DNASE2: variants seen among roughly 807,000 people sequenced by gnomAD.
DNASE2 encodes the protein deoxyribonuclease 2, lysosomal.
Under a neutral mutation model 29.8 loss-of-function variants are expected in DNASE2, and 26 were observed. The observed-to-expected ratio is 0.87, with a 90% confidence interval of 0.64 to 1.21. The LOEUF (loss-of-function observed/expected upper bound fraction) is 1.21, where lower values mean the gene tolerates loss of function less well. DNASE2 is among the 50% of genes most tolerant of loss of function. The pLI is 0.00. For synonymous variants in DNASE2, 186 were observed against 193.5 expected, an observed-to-expected ratio of 0.96 and a Z score of 0.32; for missense variants, 415 against 455.6, an observed-to-expected ratio of 0.91 and a Z score of 0.81.
chr19:12,881,049 C>T lies in DNASE2; in HGVS notation c.190G>A (p.Gly64Ser), dbSNP rs780707849. ...LDESSGGWRDGRALINSPEGA... is the reference protein window; with the variant it reads ...LDESSGGWRDSRALINSPEGA... ...TCCGGGCTGTTGATGAGTGCCCTGC[C>T]GTCCCGCCAGCCTCCGGAGCTCTCG... The change falls in exon 2 of 6, where the codon GGC becomes AGC. Residue 64 changes from glycine to serine, a missense_variant. By Grantham distance (56) the Gly-to-Ser change is moderately conservative (BLOSUM62 0). Transcript: ENST00000222219. 1.2e-6 allele frequency: 2 copies of T among 1,613,298 alleles called. No individual in the cohort carries two copies. Among genetic ancestry groups the T allele is most frequent in the Non-Finnish European group, 1.7e-6 (2 of 1,180,008 alleles).
chr19:12,876,608 C>T (rs1228419205), intron 5 of DNASE2, among the ~76,000 whole-genome samples: 2 of 151,352 alleles, frequency 1.3e-5, no homozygotes, highest in African/African-American at 4.9e-5. Flanking sequence ...TACAGGCATG[C>T]ACAACCATAC....
At chr19:12,879,145 C>CGT (rs1970351235) in intron 3 of DNASE2, among the ~76,000 whole-genome samples, 2 of 115,736 alleles carry the variant, frequency 1.7e-5, no homozygotes, top group African/African-American at 3.7e-5. Flanking sequence ...TCATCTCAAA[C>CGT]ATAAGTAAGT....
Position 12,875,241 on chromosome 19 carries a change from A to C in DNASE2, c.*749T>G. On this transcript the variant is annotated 3_prime_UTR_variant, in exon 6 of 6. Transcript: ENST00000222219. Reference sequence around the variant, plus strand: ...ATTTCCATTTATTTACTCCTCAACAATCCTGATGGCAGGTATTATGTTTCC... The same window carrying C: ...ATTTCCATTTATTTACTCCTCAACACTCCTGATGGCAGGTATTATGTTTCC... 6.5e-5 allele frequency: 19 copies of C among 291,346 alleles called. No homozygotes were observed. Among genetic ancestry groups the C allele is most frequent in the Non-Finnish European group, 6.1e-5 (9 of 148,016 alleles). 18.0% of individuals were successfully genotyped at this position (291,346 alleles called of 1,614,324 possible). A position where few individuals can be genotyped will look rare whatever the true frequency, so the allele number is the denominator to read the frequency against.
intron 3 of DNASE2, among the ~76,000 whole-genome samples, chr19:12,879,501 A>AAC (rs1429934884): frequency 6.6e-6 from 1 of 151,720 alleles, no homozygotes; most frequent in East Asian, 1.9e-4. Flanking sequence ...AAAAAAAAAA[A>AAC]AAAGGCAATT....
intron 5 of DNASE2, chr19:12,877,913 A>G (rs1350313149): frequency 1.4e-5 from 4 of 286,178 alleles, no homozygotes; most frequent in Non-Finnish European, 2.7e-5. Context: ...TGGAGTCATT[A>G]TAGCTCACTG....
Position 12,878,713 on chromosome 19 carries a change from G to T in DNASE2, c.468C>A (p.Thr156=), listed in dbSNP as rs1970345710. The T allele has an allele frequency of 6.2e-7, 1 of 1,613,968 alleles. No individual in the cohort carries two copies. The highest frequency in any genetic ancestry group is 1.7e-5 in the Admixed American group (1 of 59,968). The change falls in exon 4 of 6, where the codon ACC becomes ACA. Residue 156 remains threonine, a synonymous_variant. Coordinates refer to ENST00000222219, the MANE Select transcript of DNASE2 (RefSeq NM_001375.3). ...CGAAGGGAAAAGACACACAGAGCAG[G>T]GTCTGCCCGTAGGTACAGGCGCTAT... is the stretch of plus-strand genomic sequence containing the variant. ...WPHSACTYGQ[T]LLCVSFPFAQ... is the part of the protein sequence containing the mutation.
At chr19:12,879,484 C>CAAA (rs35693082) in intron 3 of DNASE2, among the ~76,000 whole-genome samples, 10 of 71,170 alleles carry the variant, frequency 1.4e-4, no homozygotes, top group South Asian at 8.6e-4. Flanking sequence ...AACTCCTTCT[C>CAAA]AAAAAAAAAA....
In DNASE2 at chr19:12,881,084, T is replaced by C. The variant is rs1429846670; in HGVS notation, c.155A>G (p.Lys52Arg). The change falls in exon 2 of 6, where the codon AAG becomes AGG. Residue 52 changes from lysine to arginine, a missense_variant. Physicochemically the swap from Lys to Arg is conservative, Grantham distance 26 (BLOSUM62 2). Coordinates refer to ENST00000222219, the MANE Select transcript of DNASE2 (RefSeq NM_001375.3). ...GCCTCCGGAGCTCTCGTCCAGATAC[T>C]TGTACTGCAGCCCTCTCTGCGCCGC... ...GEAAQRGLQY[K>R]YLDESSGGWR... 4.3e-6 allele frequency: 7 copies of C among 1,612,356 alleles called. No individual in the cohort carries two copies. The South Asian group carries it at 5.5e-5, about 13-fold the overall frequency.
At position 12,881,111 on chromosome 19, in the gene DNASE2, T is replaced by C. The variant is rs776785731; in HGVS notation, c.128A>G (p.Glu43Gly). ...GTACTGCAGCCCTCTCTGCGCCGCC[T>C]CCCCGGACCCTCTAAGAGCTGGCAG... is the stretch of plus-strand genomic sequence containing the variant. ...YKLPALRGSG[E>G]AAQRGLQYKY... Residue 43 changes from glutamate to glycine, a missense_variant, in exon 2 of 6, where the codon GAG becomes GGG. Coordinates refer to ENST00000222219, the MANE Select transcript of DNASE2 (RefSeq NM_001375.3). 36 of 1,611,588 alleles carry C rather than the reference T, an allele frequency of 2.2e-5. No individual in the cohort carries two copies. The highest frequency in any genetic ancestry group is 2.8e-5 in the Non-Finnish European group (33 of 1,179,968).
At chr19:12,878,192 A>G in intron 5 of DNASE2, 190 bp downstream of exon 5, 1 of 699,766 alleles carries the variant, frequency 1.4e-6, no homozygotes, top group East Asian at 2.8e-5. Flanking sequence ...AGATGAGTAG[A>G]CCAAGGCTCA....
chr19:12,879,640 A>T (rs1225681267), intron 3 of DNASE2, among the ~76,000 whole-genome samples: 1 of 152,188 alleles, frequency 6.6e-6, no homozygotes, highest in Admixed American at 6.6e-5. Context: ...GCAGGCATAA[A>T]TTCTTATAGT....
At position 12,878,736 on chromosome 19, in the gene DNASE2, T is replaced by C; in HGVS notation, c.445A>G (p.Ser149Gly). 1 of 1,613,974 alleles carries C rather than the reference T, an allele frequency of 6.2e-7. No individual in the cohort carries two copies. Among genetic ancestry groups the C allele is most frequent in the Non-Finnish European group, 8.5e-7 (1 of 1,179,990 alleles). ...AGGGTCTGCCCGTAGGTACAGGCGCTATGAGGCCAGCTGTATGCAGCAGAG... is the reference window on the plus strand; with the variant it reads ...AGGGTCTGCCCGTAGGTACAGGCGCCATGAGGCCAGCTGTATGCAGCAGAG... The part of the protein sequence containing the change: ...ASSAAYSWPH[S>G]ACTYGQTLLC... Residue 149 changes from serine to glycine, a missense_variant, in exon 4 of 6, where the codon AGC becomes GGC. Transcript: ENST00000222219.
chr19:12,877,477 C>A (rs1427206289), intron 5 of DNASE2, among the ~76,000 whole-genome samples: 1 of 152,150 alleles, frequency 6.6e-6, no homozygotes, highest in Non-Finnish European at 1.5e-5. Context: ...TGGGCTCAAG[C>A]AATCCTCCTG....
intron 3 of DNASE2, 115 bp downstream of exon 3, chr19:12,880,687 G>C (rs1347326476): frequency 7.2e-7 from 1 of 1,388,374 alleles, no homozygotes; most frequent in East Asian, 2.3e-5. Flanking sequence ...AAGTTGGGGG[G>C]AATAGATGCC....
chr19:12,876,956 G>A (rs1456646474), intron 5 of DNASE2, among the ~76,000 whole-genome samples: 1 of 152,006 alleles, frequency 6.6e-6, no homozygotes, highest in Non-Finnish European at 1.5e-5. Context: ...CTGAGTAGCT[G>A]GGATTACAGG....
Position 12,881,368 on chromosome 19 carries a change from G to T in DNASE2, c.8C>A (p.Pro3Gln). The T allele has an allele frequency of 6.4e-7, 1 of 1,559,652 alleles. No individual in the cohort carries two copies. The highest frequency in any genetic ancestry group is 2.4e-5 in the East Asian group (1 of 41,554). The change falls in exon 1 of 6, where the codon CCG (proline) becomes CAG (glutamine). Residue 3 changes from proline to glutamine, a missense_variant. Coordinates refer to ENST00000222219, the MANE Select transcript of DNASE2 (RefSeq NM_001375.3). MI[P>Q]LLLAALLCVP... is the part of the protein sequence containing the mutation. ...GCACAGCAGCGCTGCCAGCAGCAGC[G>T]GGATCATAGCTGCTATGGGGCTGAG... is the stretch of plus-strand genomic sequence containing the variant.
chr19:12,878,748 T>C lies in DNASE2; in HGVS notation c.433A>G (p.Ser145Gly), dbSNP rs1291444523. The C allele has an allele frequency of 6.2e-7, 1 of 1,614,020 alleles. No homozygotes were observed. The highest frequency in any genetic ancestry group is 1.7e-5 in the Admixed American group (1 of 59,994). ...FPPPASSAAY[S>G]WPHSACTYGQ... ...TAGGTACAGGCGCTATGAGGCCAGC[T>C]GTATGCAGCAGAGGAGGCCGGTGGA... Residue 145 changes from serine (S) to glycine (G), a missense_variant, in exon 4 of 6, where the codon AGC (serine) becomes GGC (glycine). Coordinates refer to ENST00000222219, the MANE Select transcript of DNASE2 (RefSeq NM_001375.3).
Position 12,875,842 on chromosome 19 carries a change from G to A in DNASE2, c.*148C>T, listed in dbSNP as rs1450891099. 8.7e-5 allele frequency: 85 copies of A among 976,232 alleles called. No homozygotes were observed. The highest frequency in any genetic ancestry group is 1.1e-4 in the Non-Finnish European group (76 of 671,344). The allele number at this position is 976,232 out of a possible 1,614,324, so 60.5% of individuals were successfully genotyped here. ...ACTACAGGCATTTATCACCGTGCCT[G>A]GCTAACTTTTTTTAAGTTCTAGTAG... On this transcript the variant is annotated 3_prime_UTR_variant, in exon 6 of 6. Transcript: ENST00000222219.
chr19:12,877,030 C>G (rs1238812993), intron 5 of DNASE2, among the ~76,000 whole-genome samples: 1 of 152,002 alleles, frequency 6.6e-6, no homozygotes, highest in Non-Finnish European at 1.5e-5. Context: ...ACCATGTTGG[C>G]CAGGCTGTTC....
Sources: allele counts gnomAD v4.1 joint callset (sites outside exome capture counted in the v4.1 genomes callset), GRCh38; gene constraint gnomAD v4.1.1; transcripts MANE v1.5; gene names NCBI Gene and HGNC (gene_info 2026-07-23, HGNC 2026-07-21).